GALNT14: variants seen among roughly 807,000 people sequenced by gnomAD.
GALNT14 encodes the protein UDP-GalNAc:polypeptide N-acetylgalactosaminyltransferase 14.
GALNT14 carries 60 observed loss-of-function variants against 77.5 expected under a neutral mutation model. The ratio of observed to expected loss-of-function variants is 0.77; its 90% confidence interval spans 0.63 to 0.96. The LOEUF is 0.96. Among genes scored for constraint, GALNT14 ranks in the 40% least tolerant of loss-of-function variants. The probability of loss-of-function intolerance (pLI) is 0.00; values close to 1 mark genes in which losing one functional copy is unlikely to be tolerated. For missense variants in GALNT14, 710 were observed against 731.0 expected (o/e 0.97, Z 0.33); for synonymous variants, 280 against 281.7 (o/e 0.99, Z 0.06).
chr2:30,929,389 A>G lies in GALNT14; in HGVS notation c.1151+6T>C. On this transcript the variant is annotated splice_donor_region_variant and intron_variant, in intron 11 of 14. Coordinates refer to ENST00000349752, the MANE Select transcript of GALNT14 (RefSeq NM_024572.4). ...TCTGCCCTCCTCAACCTGAAGGGAC[A>G]CTTACTTCCCGAAGGGCCTCTCCAG... is the stretch of plus-strand genomic sequence containing the variant. 6.2e-7 allele frequency: 1 copy of G among 1,611,994 alleles called. No homozygotes were observed. Among genetic ancestry groups the G allele is most frequent in the African/African-American group, 1.3e-5 (1 of 75,010 alleles).
intron 1 of GALNT14, among the ~76,000 whole-genome samples, chr2:30,995,177 T>TG (rs1558476712): frequency 2.2e-3 from 268 of 123,450 alleles, no homozygotes; most frequent in African/African-American, 7.2e-3. Flanking sequence ...TGTGTGTGTG[T>TG]TCATGTGCAT....
At chr2:30,914,778 A>G (rs1183959490) in intron 13 of GALNT14, among the ~76,000 whole-genome samples, 1 of 152,216 alleles carries the variant, frequency 6.6e-6, no homozygotes, top group Non-Finnish European at 1.5e-5. Flanking sequence ...CCCAGGGATG[A>G]GACCCACGCA....
At chr2:30,941,061 A>C (rs1666348750) in intron 9 of GALNT14, among the ~76,000 whole-genome samples, 1 of 152,232 alleles carries the variant, frequency 6.6e-6, no homozygotes, top group Non-Finnish European at 1.5e-5. Context: ...AGGCAGAAAC[A>C]GGAGAAAACA....
intron 2 of GALNT14, among the ~76,000 whole-genome samples, chr2:30,981,144 C>T (rs1573084792): frequency 6.6e-6 from 1 of 152,250 alleles, no homozygotes; most frequent in East Asian, 1.9e-4. Flanking sequence ...CAGCACAGAG[C>T]CTCCTTGAAA....
intron 1 of GALNT14, among the ~76,000 whole-genome samples, chr2:31,045,313 C>T (rs1479826295): frequency 3.3e-5 from 5 of 152,272 alleles, no homozygotes; most frequent in Middle Eastern, 3.4e-3. Context: ...AATGAGGAAA[C>T]ACTGGTCTCT....
chr2:30,944,768 C>A, intron 8 of GALNT14, 90 bp downstream of exon 8: 2 of 1,030,328 alleles, frequency 1.9e-6, no homozygotes, highest in Non-Finnish European at 2.7e-6. Context: ...CTGCTTGATG[C>A]TTTGACATCT....
chr2:31,109,909 G>A (rs939247482), intron 1 of GALNT14, among the ~76,000 whole-genome samples: 1 of 152,136 alleles, frequency 6.6e-6, no homozygotes, highest in African/African-American at 2.4e-5. Flanking sequence ...GGAATAATCT[G>A]TCTCAATTTT....
chr2:31,019,325 T>C (rs1377725128), intron 1 of GALNT14, among the ~76,000 whole-genome samples: 1 of 152,148 alleles, frequency 6.6e-6, no homozygotes, highest in Non-Finnish European at 1.5e-5. Flanking sequence ...TCAGAGTTTA[T>C]TTTGAGTGGG....
At chr2:30,888,371 T>A in the GALNT14 span, among the ~76,000 whole-genome samples, 1 of 152,344 alleles carries the variant, frequency 6.6e-6, no homozygotes, top group African/African-American at 2.4e-5. Flanking sequence ...CAGAGAATAG[T>A]GTGATGTTTT....
intron 3 of GALNT14, among the ~76,000 whole-genome samples, chr2:30,959,712 G>T (rs1667573036): frequency 6.6e-6 from 1 of 152,178 alleles, no homozygotes; most frequent in Non-Finnish European, 1.5e-5. Flanking sequence ...CATCATTAAT[G>T]ATTTTTGAAT....
At position 31,035,628 on chromosome 2, in the gene GALNT14, C is replaced by T. The variant is rs982259437; in HGVS notation, c.130-42621G>A. ...ACACACACACACACCTACACACACA[C>T]ACACACACACACACACACACACACA... On this transcript the variant is annotated intron_variant, in intron 1 of 14. Transcript: ENST00000349752. Among the ~76,000 whole-genome samples the T allele has an allele frequency of 1.6e-3, 232 of 141,508 alleles. 1 individual carries two copies. The highest frequency in any genetic ancestry group is 5.7e-3 in the African/African-American group (219 of 38,242). The allele number at this position is 141,508 out of a possible 152,430, so 92.8% of individuals were successfully genotyped here.
chr2:31,131,003 C>T (rs1678966892), intron 1 of GALNT14, among the ~76,000 whole-genome samples: 1 of 152,192 alleles, frequency 6.6e-6, no homozygotes, highest in Non-Finnish European at 1.5e-5. Flanking sequence ...CACAGTTATT[C>T]ATAACTAACC....
At chr2:30,973,927 G>C (rs983988081) in intron 2 of GALNT14, among the ~76,000 whole-genome samples, 1 of 152,156 alleles carries the variant, frequency 6.6e-6, no homozygotes, top group Non-Finnish European at 1.5e-5. Context: ...TAATTCCAGT[G>C]GTCTAGAAAG....
chr2:30,967,397 A>G (rs1668075360), intron 2 of GALNT14, among the ~76,000 whole-genome samples: 1 of 152,148 alleles, frequency 6.6e-6, no homozygotes, highest in Non-Finnish European at 1.5e-5. Flanking sequence ...CCTCTCAGAT[A>G]ACTCTGATCA....
chr2:31,066,940 A>C (rs1309996473), intron 1 of GALNT14, among the ~76,000 whole-genome samples: 2 of 151,908 alleles, frequency 1.3e-5, no homozygotes, highest in African/African-American at 4.8e-5. Flanking sequence ...ACACCCACCT[A>C]CCTCACCCCG....
intron 1 of GALNT14, among the ~76,000 whole-genome samples, chr2:31,007,320 C>T (rs769008804): frequency 5.9e-5 from 9 of 152,270 alleles, no homozygotes; most frequent in Middle Eastern, 3.4e-3. Context: ...GAACCTCGCC[C>T]AGGGAATCTT....
At chr2:31,092,137 G>A (rs1002518564) in intron 1 of GALNT14, among the ~76,000 whole-genome samples, 23 of 152,078 alleles carry the variant, frequency 1.5e-4, no homozygotes, top group Non-Finnish European at 7.4e-5. Context: ...AGCTTGCACC[G>A]TTGGCTTCCC....
chr2:30,953,991 G>C (rs1237725979), intron 6 of GALNT14, among the ~76,000 whole-genome samples: 1 of 152,194 alleles, frequency 6.6e-6, no homozygotes, highest in African/African-American at 2.4e-5. Flanking sequence ...GCTATTAGGG[G>C]AGGCAGAGGA....
chr2:31,076,631 T>TATA (rs1558551969), intron 1 of GALNT14, among the ~76,000 whole-genome samples: 68 of 112,692 alleles, frequency 6.0e-4, no homozygotes, highest in African/African-American at 2.3e-3. Context: ...ATATATATAT[T>TATA]TTTTTTTTTT....
Sources: gnomAD v4.1 joint callset for allele counts (sites outside exome capture counted in the v4.1 genomes callset) on GRCh38, gnomAD v4.1.1 for gene constraint, MANE v1.5 for transcripts, NCBI Gene and HGNC (gene_info 2026-07-23, HGNC 2026-07-21) for gene names.